CPZ: variants seen among roughly 807,000 people sequenced by gnomAD.
CPZ encodes VEZT/CPZ fusion.
A neutral mutation model predicts 61.8 loss-of-function variants in CPZ; 103 were observed. That is an observed-to-expected ratio of 1.67 (90% CI 1.42 to 1.96). The LOEUF is 1.96. CPZ is among the 30% of genes most tolerant of loss of function. CPZ has a pLI of 0.00. For missense variants in CPZ, 1,461 were observed against 914.9 expected (o/e 1.60, Z -7.70); for synonymous variants, 551 against 373.7 (o/e 1.47, Z -5.47).
chr4:8,617,067 C>T (rs567713509), intron 9 of CPZ, among the ~76,000 whole-genome samples: 1 of 152,360 alleles, frequency 6.6e-6, no homozygotes, highest in South Asian at 2.1e-4. Flanking sequence ...CAGCCACCTG[C>T]ACCACTGACA....
chr4:8,601,340 G>C lies in CPZ; in HGVS notation c.339G>C (p.Trp113Cys). 1 of 1,606,882 alleles carries C rather than the reference G, an allele frequency of 6.2e-7. No individual in the cohort carries two copies. The highest frequency in any genetic ancestry group is 1.3e-5 in the African/African-American group (1 of 74,870). Residue 113 changes from tryptophan to cysteine, a missense_variant, in exon 3 of 11, where the codon TGG becomes TGC. By Grantham distance (215) the Trp-to-Cys change is radical (BLOSUM62 -2). Coordinates refer to ENST00000360986, the MANE Select transcript of CPZ (RefSeq NM_001014447.3). ...TGGCCCCCCGGTGTGAGGGCGGCTGGGTGCGCAGACCCTGCCGGCACATCT... is the reference window on the plus strand; with the variant it reads ...TGGCCCCCCGGTGTGAGGGCGGCTGCGTGCGCAGACCCTGCCGGCACATCT... Reference protein sequence around the residue: ...AVLAPRCEGGWVRRPCRHICE... With the variant: ...AVLAPRCEGGCVRRPCRHICE...
chr4:8,604,734 C>T lies in CPZ; in HGVS notation c.709+546C>T, dbSNP rs532153045. ...CTGACCTCAAGTGATCCGCCCAGCT[C>T]GGCCTCCCCACTCAAACAGAATCGG... On this transcript the variant is annotated intron_variant, in intron 4 of 10. Coordinates refer to ENST00000360986, the MANE Select transcript of CPZ (RefSeq NM_001014447.3). Among the ~76,000 whole-genome samples, 329 of 152,334 alleles carry T rather than the reference C, an allele frequency of 2.2e-3. 1 individual carries two copies. Among genetic ancestry groups the T allele is most frequent in the Middle Eastern group, 0.017 (5 of 294 alleles).
intron 3 of CPZ, chr4:8,603,314 G>C (rs1361738098): frequency 6.6e-6 from 1 of 152,318 alleles, no homozygotes. Context: ...TGGATGACAG[G>C]ATGGTGGGGA....
intron 7 of CPZ, 89 bp from the exon 8 acceptor site, chr4:8,611,938 G>C: frequency 6.3e-7 from 1 of 1,581,466 alleles, no homozygotes; most frequent in South Asian, 1.1e-5. Flanking sequence ...GCAGGTGTTT[G>C]CACGCGCAGC....
intron 9 of CPZ, 69 bp downstream of exon 9, chr4:8,614,567 C>G (rs1029127693): frequency 6.5e-7 from 1 of 1,542,968 alleles, no homozygotes; most frequent in Non-Finnish European, 8.8e-7. Flanking sequence ...ATTCAGGCCC[C>G]CAGGGCAGCC....
intron 9 of CPZ, among the ~76,000 whole-genome samples, chr4:8,617,849 G>A (rs1716315271): frequency 6.6e-6 from 1 of 152,182 alleles, no homozygotes; most frequent in Non-Finnish European, 1.5e-5. Flanking sequence ...GGCAGCTTTG[G>A]GAGGGCTTTC....
intron 7 of CPZ, among the ~76,000 whole-genome samples, chr4:8,608,919 ACCAG>A (rs1176594070): frequency 6.6e-6 from 1 of 152,128 alleles, no homozygotes; most frequent in Non-Finnish European, 1.5e-5. Context: ...CACTCTGCAG[ACCAG>A]GGGCAGTGAC....
intron 1 of CPZ, among the ~76,000 whole-genome samples, chr4:8,593,958 G>A (rs900492815): frequency 1.3e-5 from 2 of 152,108 alleles, no homozygotes; most frequent in East Asian, 1.9e-4. Flanking sequence ...CCTCCCCTTG[G>A]CCCCTGAGAG....
At chr4:8,618,636 A>C in intron 10 of CPZ, 108 bp downstream of exon 10, 2 of 1,042,262 alleles carry the variant, frequency 1.9e-6, no homozygotes, top group Non-Finnish European at 2.8e-6. Flanking sequence ...CCTCAGCAGG[A>C]TGGCTCCATT....
At chr4:8,603,625 C>T (rs1714735635) in intron 3 of CPZ, 2 of 298,740 alleles carry the variant, frequency 6.7e-6, no homozygotes, top group South Asian at 1.2e-4. Context: ...AGGAAAATCC[C>T]CTCTGCACAC....
chr4:8,608,093 G>A (rs1025858835), intron 7 of CPZ, among the ~76,000 whole-genome samples: 21 of 150,828 alleles, frequency 1.4e-4, no homozygotes, highest in East Asian at 6.0e-4. Context: ...ATAAGAAAGC[G>A]GAGGCTGAGG....
intron 10 of CPZ, 23 bp from the exon 11 acceptor site, chr4:8,619,239 A>T (rs557309600): frequency 2.1e-4 from 327 of 1,580,310 alleles, no homozygotes; most frequent in Admixed American, 4.7e-4. Flanking sequence ...CGTGAGAATC[A>T]TTTTTAATCT....
intron 7 of CPZ, among the ~76,000 whole-genome samples, chr4:8,610,300 C>T (rs1715544987): frequency 6.6e-6 from 1 of 152,240 alleles, no homozygotes; most frequent in Non-Finnish European, 1.5e-5. Context: ...TGCACCTGCC[C>T]TCCCAGGTCA....
chr4:8,605,728 T>A (rs1017681930), intron 4 of CPZ, among the ~76,000 whole-genome samples: 1 of 149,644 alleles, frequency 6.7e-6, no homozygotes, highest in Admixed American at 6.6e-5. Flanking sequence ...GACCATCAGT[T>A]AAATTTGCAT....
rs770218480 is a variant in CPZ at position 8,619,552 on chromosome 4, C to A, written c.1894C>A (p.Pro632Thr). 1.3e-6 allele frequency: 2 copies of A among 1,556,212 alleles called. No individual in the cohort carries two copies. The highest frequency in any genetic ancestry group is 1.7e-6 in the Non-Finnish European group (2 of 1,150,672). The part of the protein sequence containing the change: ...RRQPSADGSK[P>T]WWWSYFTSLS... ...GCAGCCCTCGGCCGACGGGAGTAAG[C>A]CCTGGTGGTGGTCCTACTTCACATC... The change falls in exon 11 of 11, where the codon CCC becomes ACC. Residue 632 changes from proline (P) to threonine (T), a missense_variant. Transcript: ENST00000360986.
intron 2 of CPZ, among the ~76,000 whole-genome samples, chr4:8,600,371 A>T (rs751215434): frequency 6.6e-6 from 1 of 152,204 alleles, no homozygotes; most frequent in African/African-American, 2.4e-5. Flanking sequence ...GACTTGTCCT[A>T]TGCGATGCCA....
chr4:8,601,185 C>G lies in CPZ; in HGVS notation c.184C>G (p.Pro62Ala). 2 of 1,611,594 alleles carry G rather than the reference C, an allele frequency of 1.2e-6. No individual in the cohort carries two copies. Among genetic ancestry groups the G allele is most frequent in the Non-Finnish European group, 1.7e-6 (2 of 1,178,674 alleles). The change falls in exon 3 of 11, where the codon CCC (proline) becomes GCC (alanine). Residue 62 changes from proline (P) to alanine (A), a missense_variant. Transcript: ENST00000360986. ...TGCCGCCTACAACCACACCACCTTCCCCAACCTGCTTCAGCACCGGTCGTG... is the reference window on the plus strand; with the variant it reads ...TGCCGCCTACAACCACACCACCTTCGCCAACCTGCTTCAGCACCGGTCGTG... ...SDAAYNHTTF[P>A]NLLQHRSWEV...
At position 8,592,803 on chromosome 4, in the gene CPZ, G is replaced by T; in HGVS notation, c.-31G>T. The T allele has an allele frequency of 7.1e-7, 1 of 1,413,780 alleles. No individual in the cohort carries two copies. Among genetic ancestry groups the T allele is most frequent in the Non-Finnish European group, 9.2e-7 (1 of 1,084,576 alleles). 87.6% of individuals were successfully genotyped at this position (1,413,780 alleles called of 1,614,324 possible). On this transcript the variant is annotated 5_prime_UTR_variant, in exon 1 of 11. Transcript: ENST00000360986. Reference sequence around the variant, plus strand: ...CGCGCGGCCCGAGTGCCACATCACTGCGCTGGCCGTCCAAGGTCCGCCGCC... The same window carrying T: ...CGCGCGGCCCGAGTGCCACATCACTTCGCTGGCCGTCCAAGGTCCGCCGCC...
chr4:8,619,700 A>G lies in CPZ; in HGVS notation c.*83A>G, dbSNP rs1577134040. 11 of 1,066,224 alleles carry G rather than the reference A, an allele frequency of 1.0e-5. No homozygotes were observed. The highest frequency in any genetic ancestry group is 1.9e-5 in the South Asian group (1 of 51,962). 66.0% of individuals were successfully genotyped at this position (1,066,224 alleles called of 1,614,324 possible). A position where few individuals can be genotyped will look rare whatever the true frequency, so the allele number is the denominator to read the frequency against. On this transcript the variant is annotated 3_prime_UTR_variant, in exon 11 of 11. Transcript: ENST00000360986. ...CTCCTGGCTCTTGATTTTGTCTGCC[A>G]CAGACATCCCACAAAGCCGCTGCCA...
Sources: allele counts gnomAD v4.1 joint callset (sites outside exome capture counted in the v4.1 genomes callset), GRCh38; gene constraint gnomAD v4.1.1; transcripts MANE v1.5; gene names NCBI Gene and HGNC (gene_info 2026-07-23, HGNC 2026-07-21).